The following PDE10A variants were observed in gnomAD, a reference collection of about 807,000 sequenced individuals.
PDE10A encodes phosphodiesterase 10A, also known as cAMP and cAMP-inhibited cGMP 3',5'-cyclic phosphodiesterase 10A.
Under a neutral mutation model 97.7 loss-of-function variants are expected in PDE10A, and 39 were observed. The ratio of observed to expected loss-of-function variants is 0.40; its 90% CI spans 0.31 to 0.52. The LOEUF (loss-of-function observed/expected upper bound fraction) is 0.52. Among genes scored for constraint, PDE10A ranks in the 20% least tolerant of loss-of-function variants. PDE10A has a pLI of 0.56. For synonymous variants in PDE10A, 371 were observed against 376.8 expected (o/e 0.98, Z 0.18); for missense variants, 731 against 1,047.8 (o/e 0.70, Z 4.17).
At chr6:165,967,913 C>G (rs527825807) in intron 1 of PDE10A, among the ~76,000 whole-genome samples, 174 of 152,328 alleles carry the variant, frequency 1.1e-3, no homozygotes, top group African/African-American at 3.9e-3. Flanking sequence ...CTCCCCAAAA[C>G]TGCACTCTGC....
At chr6:165,959,312 G>T (rs1784288487) in intron 1 of PDE10A, among the ~76,000 whole-genome samples, 1 of 152,124 alleles carries the variant, frequency 6.6e-6, no homozygotes, top group South Asian at 2.1e-4. Context: ...GGGATGGGAG[G>T]AGGCAAGTGA....
At chr6:165,435,560 C>A (rs370727373) in intron 5 of PDE10A, among the ~76,000 whole-genome samples, 183 bp from the exon 6 acceptor site, 7 of 152,168 alleles carry the variant, frequency 4.6e-5, no homozygotes, top group African/African-American at 1.7e-4. Flanking sequence ...CTCACATTTC[C>A]ACTTCACAAA....
chr6:165,416,420 T>C (rs1780423310), intron 11 of PDE10A, 139 bp from the exon 12 acceptor site: 1 of 649,936 alleles, frequency 1.5e-6, no homozygotes, highest in African/African-American at 1.8e-5. Flanking sequence ...GTTTACATAT[T>C]CTAAATCACC....
intron 1 of PDE10A, among the ~76,000 whole-genome samples, chr6:165,596,510 C>T (rs1215303346): frequency 2.6e-5 from 4 of 152,190 alleles, no homozygotes; most frequent in Admixed American, 1.3e-4. Context: ...GAGAGGATCA[C>T]CTGAGTCCAG....
intron 20 of PDE10A, among the ~76,000 whole-genome samples, chr6:165,338,707 C>T (rs956938218): frequency 6.6e-6 from 1 of 152,156 alleles, no homozygotes; most frequent in African/African-American, 2.4e-5. Flanking sequence ...TAAAACAATT[C>T]AAATTCATCC....
At chr6:165,903,774 G>T (rs1194594948) in intron 1 of PDE10A, among the ~76,000 whole-genome samples, 1 of 152,164 alleles carries the variant, frequency 6.6e-6, no homozygotes, top group Non-Finnish European at 1.5e-5. Context: ...CCAACATTTA[G>T]CAACAGAGAA....
intron 1 of PDE10A, among the ~76,000 whole-genome samples, chr6:165,741,292 G>T (rs1048652572): frequency 1.2e-4 from 18 of 151,998 alleles, no homozygotes; most frequent in African/African-American, 4.3e-4. Context: ...AGAAAATAAA[G>T]AAACTGGATA....
chr6:165,854,988 GGAATGAATGAATGAAT>G (rs56216066), intron 1 of PDE10A, among the ~76,000 whole-genome samples: 35 of 149,848 alleles, frequency 2.3e-4, no homozygotes, highest in East Asian at 4.1e-4. Flanking sequence ...AAGAGGAAGA[GGAATGAATGAATGAAT>G]GAATGAATGA....
intron 1 of PDE10A, among the ~76,000 whole-genome samples, chr6:165,861,816 C>T (rs1780914015): frequency 6.6e-6 from 1 of 152,144 alleles, no homozygotes. Flanking sequence ...GGAGCAAGAG[C>T]CTCCTCTCTG....
At chr6:165,348,940 G>C (rs1177356519) in intron 18 of PDE10A, among the ~76,000 whole-genome samples, 1 of 152,142 alleles carries the variant, frequency 6.6e-6, no homozygotes, top group Non-Finnish European at 1.5e-5. Flanking sequence ...AGTCTCCTGA[G>C]GCCGCCCCAG....
chr6:165,523,098 T>C (rs182785720), intron 2 of PDE10A, among the ~76,000 whole-genome samples: 1 of 151,872 alleles, frequency 6.6e-6, no homozygotes, highest in Non-Finnish European at 1.5e-5. Flanking sequence ...AAGAGAACTA[T>C]GAAACACTGA....
At chr6:165,695,139 G>T (rs1034851491) in intron 1 of PDE10A, among the ~76,000 whole-genome samples, 1 of 150,802 alleles carries the variant, frequency 6.6e-6, no homozygotes, top group Non-Finnish European at 1.5e-5. Flanking sequence ...GTAAATTAGA[G>T]ACCAACTTCC....
chr6:165,496,099 T>C (rs749504366), intron 2 of PDE10A, among the ~76,000 whole-genome samples: 4 of 151,734 alleles, frequency 2.6e-5, no homozygotes, highest in African/African-American at 4.8e-5. Context: ...TAAGCAAAAA[T>C]AAGCAAAGCA....
chr6:165,522,470 T>A (rs1782185236), intron 2 of PDE10A, among the ~76,000 whole-genome samples: 1 of 152,188 alleles, frequency 6.6e-6, no homozygotes, highest in African/African-American at 2.4e-5. Flanking sequence ...GTAGGCTTTA[T>A]TCTTGGGATA....
chr6:165,760,372 C>A (rs1394939064), intron 1 of PDE10A, among the ~76,000 whole-genome samples: 1 of 152,160 alleles, frequency 6.6e-6, no homozygotes, highest in Non-Finnish European at 1.5e-5. Context: ...ACTCCTCACA[C>A]AGTGGAGGCC....
intron 1 of PDE10A, among the ~76,000 whole-genome samples, chr6:165,683,271 G>A (rs937452788): frequency 6.6e-6 from 1 of 152,148 alleles, no homozygotes; most frequent in Non-Finnish European, 1.5e-5. Flanking sequence ...ACACTATTCA[G>A]AATATACCAA....
chr6:165,598,556 T>C (rs1562616756), intron 1 of PDE10A, among the ~76,000 whole-genome samples: 1 of 152,166 alleles, frequency 6.6e-6, no homozygotes, highest in South Asian at 2.1e-4. Context: ...GCAATGGACT[T>C]ATCCTAAGGC....
intron 1 of PDE10A, among the ~76,000 whole-genome samples, chr6:165,683,436 G>A (rs970033977): frequency 1.3e-5 from 2 of 151,972 alleles, no homozygotes; most frequent in Non-Finnish European, 2.9e-5. Context: ...ACACACACGC[G>A]CTCACACACG....
At chr6:165,696,341 A>G (rs1253796036) in intron 1 of PDE10A, among the ~76,000 whole-genome samples, 1 of 152,202 alleles carries the variant, frequency 6.6e-6, no homozygotes, top group Non-Finnish European at 1.5e-5. Context: ...CGTAAATTTT[A>G]AATCTCACAC....
Sources: gnomAD v4.1 joint callset for allele counts (sites outside exome capture counted in the v4.1 genomes callset) on GRCh38, gnomAD v4.1.1 for gene constraint, MANE v1.5 for transcripts, NCBI Gene and HGNC (gene_info 2026-07-23, HGNC 2026-07-21) for gene names.